The following SEMA5A variants were observed in gnomAD, a reference collection of about 807,000 sequenced individuals.
The protein encoded by SEMA5A is semaphorin-5A.
SEMA5A carries 55 observed loss-of-function variants against 135.5 expected under a neutral mutation model. That is an observed-to-expected ratio of 0.41 (90% CI 0.33 to 0.51). The LOEUF is 0.51. SEMA5A is among the 20% of genes least tolerant of loss of function. SEMA5A has a pLI of 0.37. For synonymous variants in SEMA5A, 580 were observed against 546.5 expected (o/e 1.06, Z -0.85); for missense variants, 1,290 against 1,419.9 (o/e 0.91, Z 1.47).
chr5:9,295,041 C>T (rs1751263299), intron 5 of SEMA5A, among the ~76,000 whole-genome samples: 1 of 152,182 alleles, frequency 6.6e-6, no homozygotes, highest in Non-Finnish European at 1.5e-5. Flanking sequence ...ACTCTCCCTG[C>T]TACTCTCCAG....
chr5:9,456,670 G>T (rs1161818249), intron 1 of SEMA5A, among the ~76,000 whole-genome samples: 1 of 152,142 alleles, frequency 6.6e-6, no homozygotes, highest in Admixed American at 6.5e-5. Context: ...CAGCCCAGCT[G>T]CAATAACAAA....
At chr5:9,297,435 G>C (rs1372094131) in intron 5 of SEMA5A, among the ~76,000 whole-genome samples, 1 of 152,164 alleles carries the variant, frequency 6.6e-6, no homozygotes, top group Non-Finnish European at 1.5e-5. Flanking sequence ...AAAGGAATCA[G>C]AGAACTCAGT....
At chr5:9,069,291 G>C (rs529984001) in intron 16 of SEMA5A, among the ~76,000 whole-genome samples, 1 of 152,338 alleles carries the variant, frequency 6.6e-6, no homozygotes, top group East Asian at 1.9e-4. Flanking sequence ...AGAATCACAG[G>C]ACTGGGAAGC....
At chr5:9,051,476 T>C (rs186697967) in intron 20 of SEMA5A, among the ~76,000 whole-genome samples, 2 of 152,348 alleles carry the variant, frequency 1.3e-5, no homozygotes, top group Non-Finnish European at 1.5e-5. Context: ...ATATTAAAGA[T>C]AGCATAAAGA....
At chr5:9,485,659 T>C (rs1376836540) in intron 1 of SEMA5A, among the ~76,000 whole-genome samples, 1 of 152,180 alleles carries the variant, frequency 6.6e-6, no homozygotes, top group Non-Finnish European at 1.5e-5. Context: ...CGAATGACTG[T>C]TGATAATTGG....
intron 5 of SEMA5A, among the ~76,000 whole-genome samples, chr5:9,303,117 TA>T (rs1398590551): frequency 6.9e-6 from 1 of 144,970 alleles, no homozygotes; most frequent in Non-Finnish European, 1.5e-5. Flanking sequence ...TATATATATA[TA>T]ATTTTTTTTT....
rs545546956 is a variant in SEMA5A, at chr5:9,545,510, AGCGGCGCGGCGCGGC to A, written c.-175+59_-175+73del. 6.6e-6 allele frequency: 1 copy of A among 151,982 alleles called. No individual in the cohort carries two copies. Among genetic ancestry groups the A allele is most frequent in the African/African-American group, 2.4e-5 (1 of 41,278 alleles). The allele number at this position is 151,982 out of a possible 1,614,324, so 9.4% of individuals were successfully genotyped here. A position where few individuals can be genotyped will look rare whatever the true frequency, so the allele number is the denominator to read the frequency against. On this transcript the variant is annotated intron_variant, in intron 1 of 22. Transcript: ENST00000382496. This position sits in a 1 kb window ranked among gnomAD's most constrained non-coding sequence, Gnocchi z 4.5. ...CCGCTGCAGTCCCCGGGTCCCGGCC[AGCGGCGCGGCGCGGC>A]GCGGCGCGGTCAGGGGCTCCTGCCA...
intron 8 of SEMA5A, among the ~76,000 whole-genome samples, chr5:9,220,327 A>G (rs1261061101): frequency 6.6e-6 from 1 of 152,166 alleles, no homozygotes; most frequent in East Asian, 1.9e-4. Flanking sequence ...GTAACCAAAA[A>G]CCACCTGTGC....
At chr5:9,468,585 T>C (rs59389247) in intron 1 of SEMA5A, among the ~76,000 whole-genome samples, 201 of 152,388 alleles carry the variant, frequency 1.3e-3, no homozygotes, top group African/African-American at 4.6e-3. Flanking sequence ...CTGGTAACAC[T>C]TGGGGGTGTG....
chr5:9,283,344 C>A (rs145377626), intron 5 of SEMA5A, among the ~76,000 whole-genome samples: 105 of 152,164 alleles, frequency 6.9e-4, no homozygotes, highest in African/African-American at 2.3e-3. Flanking sequence ...AAATTCAGTT[C>A]TTTGTGACTG....
chr5:9,197,730 G>GTATA (rs1554001547), intron 9 of SEMA5A, among the ~76,000 whole-genome samples: 4 of 103,246 alleles, frequency 3.9e-5, no homozygotes, highest in Non-Finnish European at 6.9e-5. Flanking sequence ...AAAGCTGTTT[G>GTATA]TGTGTGTGTG....
intron 3 of SEMA5A, among the ~76,000 whole-genome samples, chr5:9,362,531 C>A (rs1057491117): frequency 6.6e-6 from 1 of 152,138 alleles, no homozygotes. Flanking sequence ...TGTTTTCATG[C>A]TGATAAATAT....
At chr5:9,505,100 T>C (rs1735802003) in intron 1 of SEMA5A, among the ~76,000 whole-genome samples, 1 of 152,052 alleles carries the variant, frequency 6.6e-6, no homozygotes, top group South Asian at 2.1e-4. Flanking sequence ...TTAGTTTTAC[T>C]ATTTATCCTG....
At chr5:9,436,341 G>A (rs1429659789) in intron 2 of SEMA5A, among the ~76,000 whole-genome samples, 1 of 152,218 alleles carries the variant, frequency 6.6e-6, no homozygotes, top group African/African-American at 2.4e-5. Flanking sequence ...GGGAACGGGA[G>A]GTTCCGGTTA....
rs1735997008 is a variant in SEMA5A at position 9,042,149 on chromosome 5, C to G, written c.*748G>C. ...GGAGCTTCCTGGAATGCCATGAAAT[C>G]CAAAAGTCAGAATAAGGTGAGTTTT... On this transcript the variant is annotated 3_prime_UTR_variant, in exon 23 of 23. Transcript: ENST00000382496. 1 of 152,256 alleles carries G rather than the reference C, an allele frequency of 6.6e-6. No homozygotes were observed. The highest frequency in any genetic ancestry group is 2.1e-4 in the South Asian group (1 of 4,828). 9.4% of individuals were successfully genotyped at this position (152,256 alleles called of 1,614,324 possible). A position where few individuals can be genotyped will look rare whatever the true frequency, so the allele number is the denominator to read the frequency against.
At chr5:9,300,200 G>A (rs1015965256) in intron 5 of SEMA5A, among the ~76,000 whole-genome samples, 1 of 152,154 alleles carries the variant, frequency 6.6e-6, no homozygotes, top group Non-Finnish European at 1.5e-5. Flanking sequence ...ACTAATTTTT[G>A]TAATTTTTGT....
chr5:9,354,019 G>A (rs887191165), intron 3 of SEMA5A, among the ~76,000 whole-genome samples: 1 of 151,920 alleles, frequency 6.6e-6, no homozygotes, highest in Non-Finnish European at 1.5e-5. Flanking sequence ...TGGTTTCAGG[G>A]TTTTTATTTC....
At chr5:9,439,199 G>A (rs1579542256) in intron 1 of SEMA5A, among the ~76,000 whole-genome samples, 1 of 152,288 alleles carries the variant, frequency 6.6e-6, no homozygotes, top group East Asian at 1.9e-4. Flanking sequence ...AATCCTTGAA[G>A]CCAAAAGAGG....
intron 2 of SEMA5A, among the ~76,000 whole-genome samples, chr5:9,413,361 C>A (rs1397640867): frequency 6.6e-6 from 1 of 152,070 alleles, no homozygotes; most frequent in African/African-American, 2.4e-5. Flanking sequence ...AAATAACACA[C>A]CTGGATTCTG....
Sources: allele counts gnomAD v4.1 joint callset (sites outside exome capture counted in the v4.1 genomes callset), GRCh38; gene constraint gnomAD v4.1.1; non-coding constraint Gnocchi (gnomAD v3.1); transcripts MANE v1.5; gene names NCBI Gene and HGNC (gene_info 2026-07-23, HGNC 2026-07-21).